Variants in DIP2C observed in about 807,000 individuals in gnomAD.
DIP2C encodes the protein disco-interacting protein 2 homolog C.
DIP2C carries 33 observed loss-of-function variants against 192.4 expected under a neutral mutation model. The ratio of observed to expected loss-of-function variants is 0.17; its 90% CI spans 0.13 to 0.23. DIP2C has a LOEUF of 0.23. DIP2C is among the 10% of genes least tolerant of loss of function. The probability of loss-of-function intolerance (pLI) is 1.00; values close to 1 mark genes in which losing one functional copy is unlikely to be tolerated. For missense variants in DIP2C, 1,537 were observed against 2,110.1 expected (o/e 0.73, Z 5.32); for synonymous variants, 979 against 864.1 (o/e 1.13, Z -2.33).
Position 383,951 on chromosome 10 carries a change from T to C in DIP2C, c.1876+76A>G, listed in dbSNP as rs1244833799. 2.9e-6 allele frequency: 4 copies of C among 1,397,768 alleles called. No homozygotes were observed. The East Asian group carries it at 8.8e-5, about 31-fold the overall frequency. The allele number at this position is 1,397,768 out of a possible 1,614,324, so 86.6% of individuals were successfully genotyped here. A position where few individuals can be genotyped will look rare whatever the true frequency, so the allele number is the denominator to read the frequency against. On this transcript the variant is annotated intron_variant, in intron 16 of 36. Coordinates refer to ENST00000280886, the MANE Select transcript of DIP2C (RefSeq NM_014974.3). Reference sequence around the variant, plus strand: ...AAAAAATAAAAAAGACTTCACAGCCTGCCTGCCTCACGAAAAAAAAAAAAA... The same window carrying C: ...AAAAAATAAAAAAGACTTCACAGCCCGCCTGCCTCACGAAAAAAAAAAAAA...
In DIP2C at chr10:650,937, C is replaced by T. The variant is rs1223981045; in HGVS notation, c.85+38557G>A. 7.0e-6 allele frequency: 5 copies of T among 717,342 alleles called. No homozygotes were observed. The East Asian group carries it at 8.0e-5, about 12-fold the overall frequency. The allele number at this position is 717,342 out of a possible 1,614,324, so 44.4% of individuals were successfully genotyped here. A position where few individuals can be genotyped will look rare whatever the true frequency, so the allele number is the denominator to read the frequency against. On this transcript the variant is annotated intron_variant, in intron 1 of 36. Transcript: ENST00000280886. ...GGTGTGTCCATGCAGGACCCCGAGG[C>T]TACACAGCTCTGGCTGTTTCTCTTC...
At chr10:446,591 G>A (rs1220604010) in intron 3 of DIP2C, among the ~76,000 whole-genome samples, 1 of 152,096 alleles carries the variant, frequency 6.6e-6, no homozygotes, top group East Asian at 1.9e-4. Context: ...CTTCATTGAC[G>A]AGGGCCCCAG....
intron 1 of DIP2C, among the ~76,000 whole-genome samples, chr10:614,984 G>A (rs1355260458): frequency 2.0e-5 from 3 of 152,228 alleles, no homozygotes; most frequent in Non-Finnish European, 4.4e-5. Context: ...AGCTGGACAG[G>A]CCACCAGATG....
intron 1 of DIP2C, among the ~76,000 whole-genome samples, chr10:527,727 ATGAG>A (rs1847138261): frequency 1.3e-5 from 2 of 152,246 alleles, no homozygotes; most frequent in Non-Finnish European, 2.9e-5. Context: ...ATGTTATGAG[ATGAG>A]TGAGATGGTT....
intron 1 of DIP2C, among the ~76,000 whole-genome samples, chr10:578,224 T>C (rs979344820): frequency 1.3e-5 from 2 of 152,244 alleles, no homozygotes; most frequent in Non-Finnish European, 1.5e-5. Context: ...ACAAAGAAGA[T>C]ACTGCATTTG....
chr10:563,384 C>G (rs1228339624), intron 1 of DIP2C, among the ~76,000 whole-genome samples: 5 of 152,156 alleles, frequency 3.3e-5, no homozygotes, highest in Non-Finnish European at 5.9e-5. Flanking sequence ...CTCCTAACAG[C>G]AGTTGTATTC....
intron 9 of DIP2C, among the ~76,000 whole-genome samples, chr10:400,690 C>T (rs1348522693): frequency 6.6e-6 from 1 of 151,306 alleles, no homozygotes; most frequent in African/African-American, 2.4e-5. Context: ...GGTATGTGTT[C>T]ATCAGCACAT....
At chr10:458,127 A>G (rs1475104071) in intron 3 of DIP2C, among the ~76,000 whole-genome samples, 1 of 152,204 alleles carries the variant, frequency 6.6e-6, no homozygotes, top group Non-Finnish European at 1.5e-5. Flanking sequence ...TGGACAGGGC[A>G]GCTCCCACCA....
intron 15 of DIP2C, 30 bp from the exon 16 acceptor site, chr10:384,176 T>C (rs769035119): frequency 8.1e-6 from 13 of 1,604,996 alleles, no homozygotes; most frequent in East Asian, 4.5e-5. Flanking sequence ...TAAGTTAACA[T>C]GTGCCACCGT....
At chr10:670,309 T>TAC (rs1830566118) in intron 1 of DIP2C, among the ~76,000 whole-genome samples, 5 of 151,784 alleles carry the variant, frequency 3.3e-5, no homozygotes, top group African/African-American at 1.2e-4. Context: ...CATACGCACA[T>TAC]ACATGCATAT....
intron 29 of DIP2C, among the ~76,000 whole-genome samples, chr10:336,944 TGC>T (rs796814394): frequency 0.014 from 781 of 57,334 alleles, 34 homozygotes; most frequent in African/African-American, 0.029. Flanking sequence ...GACTGGTGTG[TGC>T]GCGTGTGTGT....
intron 26 of DIP2C, 180 bp from the exon 27 acceptor site, chr10:345,290 C>T (rs553772441): frequency 4.2e-6 from 3 of 710,510 alleles, no homozygotes; most frequent in Non-Finnish European, 7.6e-6. Flanking sequence ...GTTGTGGAGG[C>T]ACGGGGGCAG....
chr10:534,667 T>G (rs948461535), intron 1 of DIP2C, among the ~76,000 whole-genome samples: 6 of 126,724 alleles, frequency 4.7e-5, no homozygotes, highest in South Asian at 2.4e-4. Flanking sequence ...GCTGGATGAT[T>G]ATTATTTTTT....
intron 2 of DIP2C, among the ~76,000 whole-genome samples, chr10:484,540 G>C (rs1311115169): frequency 6.6e-6 from 1 of 152,186 alleles, no homozygotes; most frequent in African/African-American, 2.4e-5. Context: ...ACTGAGAAAG[G>C]GGAATTGTAA....
chr10:539,947 C>T (rs1847890137), intron 1 of DIP2C, among the ~76,000 whole-genome samples: 1 of 152,140 alleles, frequency 6.6e-6, no homozygotes, highest in East Asian at 1.9e-4. Context: ...TTTGACACCA[C>T]AGATATTCCA....
At chr10:613,532 C>T (rs528879483) in intron 1 of DIP2C, among the ~76,000 whole-genome samples, 64 of 152,366 alleles carry the variant, frequency 4.2e-4, no homozygotes, top group African/African-American at 1.4e-3. Flanking sequence ...AGGCAAACAA[C>T]TGCATTCGTC....
rs748231177 is a variant in DIP2C at position 414,852 on chromosome 10, TTGTGTGTGTGTG to T, written c.860-754_860-743del. Among the ~76,000 whole-genome samples, 101 of 98,868 alleles carry T rather than the reference TTGTGTGTGTGTG, an allele frequency of 1.0e-3. 1 individual carries two copies. The highest frequency in any genetic ancestry group is 0.014 in the Middle Eastern group (2 of 140). The allele number at this position is 98,868 out of a possible 152,430, so 64.9% of individuals were successfully genotyped here. ...TATATATATACACACACATATATATTTGTGTGTGTGTGTGTGTGTGTGTGTGTGTGTGTGTGT... is the reference window on the plus strand; with the variant it reads ...TATATATATACACACACATATATATTTGTGTGTGTGTGTGTGTGTGTGTGT... On this transcript the variant is annotated intron_variant, in intron 7 of 36. Coordinates refer to ENST00000280886, the MANE Select transcript of DIP2C (RefSeq NM_014974.3).
Position 357,885 on chromosome 10 carries a change from G to A in DIP2C, c.2847C>T (p.Ile949=), listed in dbSNP as rs145134106. 1.1e-4 allele frequency: 185 copies of A among 1,612,750 alleles called. 1 individual carries two copies. In the African/African-American group the frequency reaches 2.1e-3, roughly 18 times the overall value. ...MVGNLVSGKR[I]AQASGRDLGQ... ...CCAGGTCTCTGCCACTGGCCTGGGC[G>A]ATTCTCTTCCCAGAGACCAGGTTCC... is the stretch of plus-strand genomic sequence containing the variant. The change falls in exon 23 of 37, where the codon ATC becomes ATT. Residue 949 remains isoleucine, a synonymous_variant. Coordinates refer to ENST00000280886, the MANE Select transcript of DIP2C (RefSeq NM_014974.3).
At chr10:309,170 C>G (rs1217362246) in intron 32 of DIP2C, among the ~76,000 whole-genome samples, 2 of 152,208 alleles carry the variant, frequency 1.3e-5, no homozygotes, top group African/African-American at 4.8e-5. Context: ...ATGACGCCTT[C>G]TTTCCTTCCT....
Sources: allele counts gnomAD v4.1 joint callset (sites outside exome capture counted in the v4.1 genomes callset), GRCh38; gene constraint gnomAD v4.1.1; transcripts MANE v1.5; gene names NCBI Gene and HGNC (gene_info 2026-07-23, HGNC 2026-07-21).